The following MAF variants were observed in gnomAD, a reference collection of about 807,000 sequenced individuals.
MAF encodes the protein MAF bZIP transcription factor.
MAF carries 10 observed loss-of-function variants against 22.0 expected under a neutral mutation model. The ratio of observed to expected loss-of-function variants is 0.45; its 90% CI spans 0.28 to 0.77. The LOEUF (loss-of-function observed/expected upper bound fraction) is 0.77, where lower values mean the gene tolerates loss of function less well. Ranked by LOEUF, MAF falls within the 30% of genes least tolerant of loss-of-function variation. The probability of loss-of-function intolerance (pLI) is 0.12; values close to 1 mark genes in which losing one functional copy is unlikely to be tolerated. For synonymous variants in MAF, 337 were observed against 255.8 expected, an observed-to-expected ratio of 1.32 and a Z score of -3.03; for missense variants, 544 against 548.4, an observed-to-expected ratio of 0.99 and a Z score of 0.08.
downstream of MAF, among the ~76,000 whole-genome samples, chr16:79,590,083 C>T (rs1378048720): frequency 6.6e-6 from 1 of 152,182 alleles, no homozygotes; most frequent in Non-Finnish European, 1.5e-5. Context: ...GGGTGGGGAG[C>T]ACACCCAGCC....
At chr16:79,218,197 G>T in the MAF span, among the ~76,000 whole-genome samples, 1 of 151,896 alleles carries the variant, frequency 6.6e-6, no homozygotes, top group East Asian at 1.9e-4. Flanking sequence ...GCCTTTCAAG[G>T]ATTCATGGTA....
downstream of MAF, among the ~76,000 whole-genome samples, chr16:79,592,570 C>T (rs904207742): frequency 6.6e-6 from 1 of 152,210 alleles, no homozygotes; most frequent in Non-Finnish European, 1.5e-5. Context: ...CCTGGACCAC[C>T]TCCTTTATAA....
chr16:79,419,443 G>C, the MAF span, among the ~76,000 whole-genome samples: 2 of 152,232 alleles, frequency 1.3e-5, no homozygotes, highest in East Asian at 3.9e-4. Flanking sequence ...TTGGAAATCA[G>C]TGATTCTGTC....
chr16:79,320,720 T>C, the MAF span, among the ~76,000 whole-genome samples: 714 of 152,340 alleles, frequency 4.7e-3, 4 homozygotes, highest in Non-Finnish European at 8.3e-3. Context: ...AGAGCTGTTG[T>C]GAACATTAAA....
At chr16:79,406,907 G>A in the MAF span, among the ~76,000 whole-genome samples, 3,385 of 152,278 alleles carry the variant, frequency 0.022, 122 homozygotes, top group African/African-American at 0.077. Context: ...CCCAGAGCCA[G>A]TAGGGGCTGG....
the MAF span, among the ~76,000 whole-genome samples, chr16:79,562,641 C>T: frequency 2.0e-5 from 3 of 152,170 alleles, no homozygotes; most frequent in Non-Finnish European, 4.4e-5. Flanking sequence ...CTGTAGACCT[C>T]GGACTCCAGG....
At chr16:79,422,421 G>A in the MAF span, among the ~76,000 whole-genome samples, 1 of 152,066 alleles carries the variant, frequency 6.6e-6, no homozygotes, top group South Asian at 2.1e-4. Context: ...GTAGAGTCCC[G>A]GGGACCCCAG....
the MAF span, among the ~76,000 whole-genome samples, chr16:79,246,480 CT>C: frequency 7.4e-6 from 1 of 135,850 alleles, no homozygotes; most frequent in South Asian, 2.2e-4. Context: ...TAAAATAACC[CT>C]GTAAAACAAA....
the MAF span, among the ~76,000 whole-genome samples, chr16:79,221,688 C>A: frequency 2.0e-5 from 3 of 152,040 alleles, no homozygotes; most frequent in East Asian, 5.8e-4. Flanking sequence ...TGTGTGTGTA[C>A]ATGTGCATGA....
the MAF span, among the ~76,000 whole-genome samples, chr16:79,406,986 C>G: frequency 6.6e-6 from 1 of 152,146 alleles, no homozygotes; most frequent in South Asian, 2.1e-4. Context: ...GCTGCAGGGA[C>G]AGTAGGCTGC....
chr16:79,585,875 T>G (rs1306177560), exon 2 of MAF: 1 of 659,840 alleles, frequency 1.5e-6, no homozygotes, highest in Non-Finnish European at 2.7e-6. Context: ...AAAATCAAGA[T>G]GTACCTCTTT....
the MAF span, among the ~76,000 whole-genome samples, chr16:79,376,776 T>C: frequency 1.3e-5 from 2 of 152,226 alleles, no homozygotes; most frequent in Non-Finnish European, 2.9e-5. Flanking sequence ...CACGTGGTGT[T>C]TGTTTTTTGT....
chr16:79,566,297 G>C, the MAF span, among the ~76,000 whole-genome samples: 1 of 152,134 alleles, frequency 6.6e-6, no homozygotes, highest in Non-Finnish European at 1.5e-5. Context: ...GACCAATGTG[G>C]GACAGATTAA....
chr16:79,596,766 C>A, intron 1 of MAF: 7 of 1,045,128 alleles, frequency 6.7e-6, no homozygotes, highest in Non-Finnish European at 6.9e-6. Context: ...TTTTAAGTTA[C>A]AGAAAATCCA....
chr16:79,210,336 C>T, the MAF span, among the ~76,000 whole-genome samples: 1 of 152,222 alleles, frequency 6.6e-6, no homozygotes, highest in East Asian at 1.9e-4. Context: ...GGACCTGACT[C>T]TCCCAGGGAT....
the MAF span, among the ~76,000 whole-genome samples, chr16:79,317,918 TCAC>T: frequency 1.9e-3 from 17 of 8,750 alleles, no homozygotes; most frequent in East Asian, 0.013. Context: ...ATTCATTCAC[TCAC>T]TCACTCACTC....
the MAF span, among the ~76,000 whole-genome samples, chr16:79,406,465 G>C: frequency 6.6e-6 from 1 of 152,144 alleles, no homozygotes; most frequent in Non-Finnish European, 1.5e-5. Flanking sequence ...CTGAATTTAG[G>C]CTGGCTTCCG....
the MAF span, among the ~76,000 whole-genome samples, chr16:79,420,609 C>T: frequency 1.3e-5 from 2 of 152,210 alleles, no homozygotes; most frequent in Admixed American, 6.5e-5. Flanking sequence ...ACATCATTAC[C>T]GCCCAGAGTT....
At chr16:79,461,915 C>T in the MAF span, among the ~76,000 whole-genome samples, 17 of 152,204 alleles carry the variant, frequency 1.1e-4, no homozygotes, top group African/African-American at 4.1e-4. Context: ...TGTTTTTTAA[C>T]CCTGTCTAAT....
Sources: allele counts gnomAD v4.1 joint callset (sites outside exome capture counted in the v4.1 genomes callset), GRCh38; gene constraint gnomAD v4.1.1; transcripts MANE v1.5; gene names NCBI Gene and HGNC (gene_info 2026-07-23, HGNC 2026-07-21).